The following TRIO variants were observed in gnomAD, a reference collection of about 807,000 sequenced individuals.
The protein encoded by TRIO is trio Rho guanine nucleotide exchange factor.
In TRIO, 58 loss-of-function variants were observed where a neutral mutation model predicts 351.9. The observed-to-expected ratio is 0.16, with a 90% CI of 0.13 to 0.21. The LOEUF (loss-of-function observed/expected upper bound fraction) is 0.21. TRIO is among the 10% of genes least tolerant of loss of function. The pLI, the probability that TRIO is intolerant of heterozygous loss-of-function variation, is 1.00. For missense variants in TRIO, 3,201 were observed against 4,027.8 expected (o/e 0.79, Z 5.56); for synonymous variants, 1,758 against 1,595.7 (o/e 1.10, Z -2.42).
chr5:14,160,008 G>T (rs1437954820), intron 1 of TRIO, among the ~76,000 whole-genome samples: 1 of 152,174 alleles, frequency 6.6e-6, no homozygotes. Flanking sequence ...TTTTCATTGT[G>T]CCTGTTTTAG....
chr5:14,191,255 G>A (rs1402364469), intron 1 of TRIO, among the ~76,000 whole-genome samples: 2 of 152,126 alleles, frequency 1.3e-5, no homozygotes, highest in Non-Finnish European at 2.9e-5. Flanking sequence ...TGTGTATGTA[G>A]CATTCTATAT....
At chr5:14,367,049 C>G in intron 16 of TRIO, 70 bp downstream of exon 16, 1 of 1,593,590 alleles carries the variant, frequency 6.3e-7, no homozygotes, top group Non-Finnish European at 8.5e-7. Flanking sequence ...AATCCCCCAA[C>G]ATGGCACTGA....
At chr5:14,170,595 C>T (rs1789040724) in intron 1 of TRIO, among the ~76,000 whole-genome samples, 2 of 151,760 alleles carry the variant, frequency 1.3e-5, no homozygotes, top group Admixed American at 1.3e-4. Flanking sequence ...CAACGTCCAC[C>T]TCCTGGGTTC....
Position 14,363,826 on chromosome 5 carries a change from A to G in TRIO, c.2486A>G (p.Gln829Arg). 6.2e-7 allele frequency: 1 copy of G among 1,614,240 alleles called. No individual in the cohort carries two copies. The highest frequency in any genetic ancestry group is 8.5e-7 in the Non-Finnish European group (1 of 1,180,036). The change falls in exon 14 of 57, where the codon CAG (glutamine) becomes CGG (arginine). Residue 829 changes from glutamine to arginine, a missense_variant. Coordinates refer to ENST00000344204, the MANE Select transcript of TRIO (RefSeq NM_007118.4). ...CTCACGATTGCAGAGCAGCGCCTCC[A>G]GCACCATGCAGACAAAGCCTTGACC... The part of the protein sequence containing the change: ...EDLTIAEQRL[Q>R]HHADKALTMN...
At chr5:14,163,223 A>G (rs1448613779) in intron 1 of TRIO, among the ~76,000 whole-genome samples, 3 of 151,832 alleles carry the variant, frequency 2.0e-5, no homozygotes, top group Non-Finnish European at 4.4e-5. Context: ...CCCTGTGCCC[A>G]TATCTTCTCA....
At chr5:14,391,254 GTTA>G (rs1485874857) in intron 27 of TRIO, among the ~76,000 whole-genome samples, 2 of 152,078 alleles carry the variant, frequency 1.3e-5, no homozygotes, top group African/African-American at 2.4e-5. Context: ...GTGTGTATAT[GTTA>G]TTATTTATAT....
At chr5:14,253,711 T>C (rs1163620741) in intron 1 of TRIO, among the ~76,000 whole-genome samples, 1 of 152,200 alleles carries the variant, frequency 6.6e-6, no homozygotes, top group Non-Finnish European at 1.5e-5. Context: ...CAAAGTGTGG[T>C]CCCAGGGACC....
At chr5:14,502,894 G>A (rs914788726) in intron 54 of TRIO, among the ~76,000 whole-genome samples, 2 of 152,220 alleles carry the variant, frequency 1.3e-5, no homozygotes, top group African/African-American at 4.8e-5. Context: ...CCCTCAATGG[G>A]GAGAAATTGC....
At chr5:14,261,778 G>A (rs1424395067) in intron 1 of TRIO, among the ~76,000 whole-genome samples, 1 of 152,096 alleles carries the variant, frequency 6.6e-6, no homozygotes, top group East Asian at 1.9e-4. Flanking sequence ...AGAGAAGATT[G>A]GTTTGTTTCT....
intron 9 of TRIO, among the ~76,000 whole-genome samples, chr5:14,321,720 C>T (rs182749959): frequency 4.6e-5 from 7 of 152,294 alleles, no homozygotes; most frequent in African/African-American, 1.4e-4. Flanking sequence ...ACCCAAATCT[C>T]ATCTTGAATT....
intron 1 of TRIO, among the ~76,000 whole-genome samples, chr5:14,206,797 A>G (rs1423165720): frequency 6.6e-6 from 1 of 152,262 alleles, no homozygotes; most frequent in Non-Finnish European, 1.5e-5. Context: ...TTCCTAGGAT[A>G]TAAGTACCTA....
At chr5:14,229,893 C>G (rs1793298120) in intron 1 of TRIO, among the ~76,000 whole-genome samples, 1 of 152,212 alleles carries the variant, frequency 6.6e-6, no homozygotes, top group South Asian at 2.1e-4. Flanking sequence ...AATGTCATCT[C>G]TAAACCACTC....
chr5:14,188,644 A>G lies in TRIO; in HGVS notation c.157+44762A>G, dbSNP rs78745666. ...TGTTTTCCCCTGCACTGTTGCTGAT[A>G]ACCTTACAAATAAAGATTGTAAAAG... On this transcript the variant is annotated intron_variant, in intron 1 of 56. Coordinates refer to ENST00000344204, the MANE Select transcript of TRIO (RefSeq NM_007118.4). Among the ~76,000 whole-genome samples the G allele has an allele frequency of 6.6e-5, 10 of 152,300 alleles. No individual in the cohort carries two copies. The East Asian group carries it at 1.7e-3, about 26-fold the overall frequency.
At chr5:14,229,847 T>C (rs1172354156) in intron 1 of TRIO, among the ~76,000 whole-genome samples, 1 of 152,238 alleles carries the variant, frequency 6.6e-6, no homozygotes, top group Non-Finnish European at 1.5e-5. Flanking sequence ...GTATGACTGC[T>C]AAAACAGTGG....
intron 2 of TRIO, 24 bp from the exon 3 acceptor site, chr5:14,280,298 G>A (rs571498271): frequency 6.3e-7 from 1 of 1,595,460 alleles, no homozygotes; most frequent in Non-Finnish European, 8.6e-7. Flanking sequence ...GTGTCTAAGT[G>A]TATTCCTAAT....
At chr5:14,276,811 T>C (rs1324561654) in intron 2 of TRIO, among the ~76,000 whole-genome samples, 1 of 152,232 alleles carries the variant, frequency 6.6e-6, no homozygotes, top group Non-Finnish European at 1.5e-5. Flanking sequence ...TGAATCTAGC[T>C]GTTTCTGTGG....
intron 1 of TRIO, among the ~76,000 whole-genome samples, chr5:14,149,917 G>T (rs1001264504): frequency 1.6e-4 from 25 of 152,218 alleles, no homozygotes; most frequent in African/African-American, 5.8e-4. Flanking sequence ...AGTTGATCAG[G>T]CTTGTTTTCT....
intron 1 of TRIO, among the ~76,000 whole-genome samples, chr5:14,186,585 C>CTTTT (rs1279388626): frequency 6.7e-5 from 10 of 149,582 alleles, no homozygotes; most frequent in Admixed American, 2.7e-4. Flanking sequence ...TTCCTTCTTT[C>CTTTT]TTTTTTTTTT....
At chr5:14,265,371 AT>A (rs1795611058) in intron 1 of TRIO, among the ~76,000 whole-genome samples, 1 of 127,614 alleles carries the variant, frequency 7.8e-6, no homozygotes, top group African/African-American at 3.1e-5. Flanking sequence ...AAAATTTCAG[AT>A]TACTAGTATC....
Sources: gnomAD v4.1 joint callset for allele counts (sites outside exome capture counted in the v4.1 genomes callset) on GRCh38, gnomAD v4.1.1 for gene constraint, MANE v1.5 for transcripts, NCBI Gene and HGNC (gene_info 2026-07-23, HGNC 2026-07-21) for gene names.